The following ASTN1 variants were observed in gnomAD, a reference collection of about 807,000 sequenced individuals.
ASTN1 encodes the protein astrotactin-1.
A neutral mutation model predicts 140.7 loss-of-function variants in ASTN1; 41 were observed. That is an observed-to-expected ratio of 0.29 (90% CI 0.23 to 0.38). The LOEUF (loss-of-function observed/expected upper bound fraction) is 0.38, where lower values mean the gene tolerates loss of function less well. ASTN1 is among the 10% of genes least tolerant of loss of function. ASTN1 has a pLI of 1.00. For missense variants in ASTN1, 1,479 were observed against 1,678.8 expected (o/e 0.88, Z 2.08); for synonymous variants, 640 against 652.2 (o/e 0.98, Z 0.29).
chr1:176,934,797 G>C (rs908203090), intron 15 of ASTN1, among the ~76,000 whole-genome samples: 2 of 152,090 alleles, frequency 1.3e-5, no homozygotes, highest in African/African-American at 4.8e-5. Context: ...GTGCATGTGG[G>C]AGTATGTGTA....
At chr1:177,012,341 G>T (rs921767922) in intron 8 of ASTN1, among the ~76,000 whole-genome samples, 1 of 152,242 alleles carries the variant, frequency 6.6e-6, no homozygotes, top group South Asian at 2.1e-4. Context: ...ACAGTCATTT[G>T]TCTGGCGCTT....
chr1:176,967,991 G>T (rs1306162747), intron 8 of ASTN1, among the ~76,000 whole-genome samples: 1 of 152,022 alleles, frequency 6.6e-6, no homozygotes, highest in African/African-American at 2.4e-5. Context: ...ACCCCATCCT[G>T]ATCACATTTA....
chr1:176,965,552 G>A (rs1301385580), intron 8 of ASTN1, among the ~76,000 whole-genome samples: 1 of 152,206 alleles, frequency 6.6e-6, no homozygotes, highest in Non-Finnish European at 1.5e-5. Flanking sequence ...TTTAGATATA[G>A]ATTCACAGAA....
downstream of ASTN1, chr1:176,857,707 T>C (rs1557914836): frequency 2.0e-6 from 1 of 511,590 alleles, no homozygotes. Flanking sequence ...CAGCACTATG[T>C]GATACAGAAC....
At chr1:177,004,143 G>A (rs535896379) in intron 8 of ASTN1, among the ~76,000 whole-genome samples, 4 of 152,146 alleles carry the variant, frequency 2.6e-5, no homozygotes, top group African/African-American at 9.6e-5. Context: ...GTTACACAAT[G>A]TATACAAATT....
intron 8 of ASTN1, among the ~76,000 whole-genome samples, chr1:176,995,013 A>G (rs1191520315): frequency 6.6e-6 from 1 of 152,212 alleles, no homozygotes; most frequent in Non-Finnish European, 1.5e-5. Context: ...ACCATGCCAA[A>G]TGTTAAATAT....
chr1:177,107,951 G>A (rs1680630413), intron 1 of ASTN1, among the ~76,000 whole-genome samples: 1 of 149,442 alleles, frequency 6.7e-6, no homozygotes, highest in Admixed American at 6.7e-5. Flanking sequence ...GTTACAAAAG[G>A]GAAGAAGTTG....
chr1:176,941,945 G>A (rs1013197140), intron 14 of ASTN1, among the ~76,000 whole-genome samples: 1 of 152,152 alleles, frequency 6.6e-6, no homozygotes, highest in Non-Finnish European at 1.5e-5. Context: ...GGATATGTCC[G>A]GAAGCTGCAA....
At chr1:176,881,185 T>C (rs1281374524) in intron 20 of ASTN1, among the ~76,000 whole-genome samples, 1 of 152,178 alleles carries the variant, frequency 6.6e-6, no homozygotes, top group Non-Finnish European at 1.5e-5. Context: ...CGCCACCTGG[T>C]GGAGATTTGC....
At chr1:177,066,356 C>T (rs181762419) in intron 1 of ASTN1, among the ~76,000 whole-genome samples, 9 of 152,282 alleles carry the variant, frequency 5.9e-5, no homozygotes, top group East Asian at 5.8e-4. Context: ...ATAATGAGAT[C>T]TTGGGCAGGG....
intron 1 of ASTN1, among the ~76,000 whole-genome samples, chr1:177,126,840 G>A (rs1202840378): frequency 6.6e-6 from 1 of 152,094 alleles, no homozygotes; most frequent in African/African-American, 2.4e-5. Context: ...GTTTTCTAGG[G>A]AACCTGGGCC....
intron 11 of ASTN1, among the ~76,000 whole-genome samples, chr1:176,949,837 G>T (rs1645889524): frequency 6.6e-6 from 1 of 152,214 alleles, no homozygotes; most frequent in African/African-American, 2.4e-5. Context: ...AATGGACTGA[G>T]CCAGGGCTTC....
At chr1:176,932,374 G>A (rs1037462381) in intron 16 of ASTN1, among the ~76,000 whole-genome samples, 9 of 152,156 alleles carry the variant, frequency 5.9e-5, no homozygotes, top group Non-Finnish European at 8.8e-5. Flanking sequence ...TCTTACGCAC[G>A]TATCATTCTT....
At chr1:176,881,774 A>G (rs1294541702) in intron 20 of ASTN1, among the ~76,000 whole-genome samples, 1 of 152,202 alleles carries the variant, frequency 6.6e-6, no homozygotes, top group East Asian at 1.9e-4. Flanking sequence ...CCATAGCAAC[A>G]TCCCTTTTTC....
chr1:176,870,354 T>G (rs1668288085), intron 21 of ASTN1, among the ~76,000 whole-genome samples: 1 of 152,230 alleles, frequency 6.6e-6, no homozygotes, highest in Non-Finnish European at 1.5e-5. Flanking sequence ...AACTTCCAAG[T>G]GACTTCAGCA....
chr1:177,092,336 C>G (rs1028595913), intron 1 of ASTN1, among the ~76,000 whole-genome samples: 15 of 152,240 alleles, frequency 9.9e-5, no homozygotes, highest in Admixed American at 2.0e-4. Flanking sequence ...TTGACCAATG[C>G]TTAACTAGAA....
At chr1:176,935,198 T>C (rs1486723694) in intron 15 of ASTN1, among the ~76,000 whole-genome samples, 2 of 152,194 alleles carry the variant, frequency 1.3e-5, no homozygotes, top group African/African-American at 4.8e-5. Context: ...TAAGGCAAAG[T>C]AAAGTCTAGC....
intron 8 of ASTN1, 38 bp downstream of exon 8, chr1:177,014,753 T>C (rs1380687527): frequency 1.9e-6 from 3 of 1,552,122 alleles, no homozygotes; most frequent in East Asian, 2.2e-5. Context: ...GGAGCAGTGA[T>C]ATGTGGGAAC....
At chr1:176,944,413 C>A (rs1671866012) in intron 13 of ASTN1, among the ~76,000 whole-genome samples, 1 of 152,176 alleles carries the variant, frequency 6.6e-6, no homozygotes, top group Non-Finnish European at 1.5e-5. Flanking sequence ...GCATGTGCCA[C>A]CACACCTGGC....
Sources: gnomAD v4.1 joint callset for allele counts (sites outside exome capture counted in the v4.1 genomes callset) on GRCh38, gnomAD v4.1.1 for gene constraint, MANE v1.5 for transcripts, NCBI Gene and HGNC (gene_info 2026-07-23, HGNC 2026-07-21) for gene names.